C1GALT1: variants seen among roughly 807,000 people sequenced by gnomAD.
C1GALT1 encodes core 1 synthase, glycoprotein-N-acetylgalactosamine 3-beta-galactosyltransferase 1.
Under a neutral mutation model 31.0 loss-of-function variants are expected in C1GALT1, and 11 were observed. The observed-to-expected ratio is 0.36, with a 90% confidence interval of 0.22 to 0.59. The LOEUF is 0.59. C1GALT1 is among the 20% of genes least tolerant of loss of function. The pLI, the probability that C1GALT1 is intolerant of heterozygous loss-of-function variation, is 0.79. For synonymous variants in C1GALT1, 175 were observed against 143.6 expected (o/e 1.22, Z -1.56); for missense variants, 424 against 425.2 (o/e 1.00, Z 0.03).
chr7:7,182,640 C>G lies in C1GALT1; in HGVS notation c.-198C>G, dbSNP rs979089648. ...AGCGGGCGGGAGCGCGCGCTGGGCC[C>G]GCCTTGGCCGCCGCCGCTGTGCTGC... On this transcript the variant is annotated 5_prime_UTR_variant, in exon 1 of 4. Transcript: ENST00000436587. 8.0e-6 allele frequency: 2 copies of G among 249,448 alleles called. No homozygotes were observed. Among genetic ancestry groups the G allele is most frequent in the Non-Finnish European group, 1.3e-5 (2 of 157,228 alleles). The allele number at this position is 249,448 out of a possible 1,614,324, so 15.5% of individuals were successfully genotyped here.
chr7:7,204,097 G>GTT (rs74853892), intron 1 of C1GALT1, among the ~76,000 whole-genome samples: 3,662 of 129,484 alleles, frequency 0.028, 116 homozygotes, highest in African/African-American at 0.088. Flanking sequence ...CTCCTCTTCT[G>GTT]TTTTTTTTTT....
At chr7:7,208,066 G>T (rs976298274) in intron 1 of C1GALT1, among the ~76,000 whole-genome samples, 1 of 152,000 alleles carries the variant, frequency 6.6e-6, no homozygotes, top group Non-Finnish European at 1.5e-5. Flanking sequence ...ACCTGCTTGG[G>T]ACATGAATTA....
At chr7:7,173,408 C>T (rs1271307582) in intron 2 of C1GALT1, among the ~76,000 whole-genome samples, 1 of 152,056 alleles carries the variant, frequency 6.6e-6, no homozygotes, top group East Asian at 1.9e-4. Flanking sequence ...CCAGTTAAAC[C>T]TCTTTTCTTT....
chr7:7,231,420 C>A (rs936279439), intron 1 of C1GALT1, among the ~76,000 whole-genome samples: 2 of 152,110 alleles, frequency 1.3e-5, no homozygotes, highest in African/African-American at 4.8e-5. Flanking sequence ...TGAGTTATGT[C>A]TCTTCCCTCA....
chr7:7,183,605 C>T, intron 1 of C1GALT1: 1 of 984,158 alleles, frequency 1.0e-6, no homozygotes, highest in Non-Finnish European at 1.2e-6. Context: ...GTAAGTCGTA[C>T]ACTCTTAAAA....
chr7:7,183,697 C>A, intron 1 of C1GALT1: 1 of 686,570 alleles, frequency 1.5e-6, no homozygotes, highest in Non-Finnish European at 1.8e-6. Context: ...GCATTTAAAG[C>A]AAACAACAGT....
chr7:7,239,576 T>C (rs796579450), intron 3 of C1GALT1, among the ~76,000 whole-genome samples: 9 of 152,330 alleles, frequency 5.9e-5, no homozygotes, highest in African/African-American at 2.2e-4. Context: ...ATGGACATAA[T>C]GTACCTGTCT....
intron 1 of C1GALT1, among the ~76,000 whole-genome samples, chr7:7,231,526 T>G (rs1728518335): frequency 6.6e-6 from 1 of 152,218 alleles, no homozygotes; most frequent in South Asian, 2.1e-4. Context: ...TACTTCATTC[T>G]GCGTATTTTC....
At position 7,238,319 on chromosome 7, in the gene C1GALT1, C is replaced by G. The variant is rs567415913; in HGVS notation, c.285C>G (p.Thr95=). 6.2e-7 allele frequency: 1 copy of G among 1,613,716 alleles called. No homozygotes were observed. The change falls in exon 3 of 4, where the codon ACC becomes ACG. Residue 95 remains threonine, a synonymous_variant. Transcript: ENST00000436587. This position sits in a 1 kb window ranked among gnomAD's most constrained non-coding sequence, Gnocchi z 5.2. ...TTAGAATTCTTTGCTGGGTTATGAC[C>G]GGCCCTCAAAACCTAGAGAAAAAGG... The part of the protein sequence containing the change: ...QKVRILCWVM[T]GPQNLEKKAK...
At chr7:7,157,707 C>T (rs1472365537) in intron 2 of C1GALT1, among the ~76,000 whole-genome samples, 2 of 152,208 alleles carry the variant, frequency 1.3e-5, no homozygotes, top group African/African-American at 4.8e-5. Context: ...TAATCAACCT[C>T]TATCTCACAG....
chr7:7,222,076 G>A lies in C1GALT1; in HGVS notation c.-17-12227G>A, dbSNP rs117114711. Among the ~76,000 whole-genome samples, 1,497 of 152,252 alleles carry A rather than the reference G, an allele frequency of 9.8e-3. 13 individuals are homozygous for A. Among genetic ancestry groups the A allele is most frequent in the Non-Finnish European group, 0.016 (1,114 of 68,018 alleles). Reference sequence around the variant, plus strand: ...CCCTTCCTGTCCTGTTTCCCTACAAGGTTTTCCATAGAATACTTTCTAATA... The same window carrying A: ...CCCTTCCTGTCCTGTTTCCCTACAAAGTTTTCCATAGAATACTTTCTAATA... On this transcript the variant is annotated intron_variant, in intron 1 of 3. Transcript: ENST00000436587.
chr7:7,197,662 TC>T (rs1781355326), intron 1 of C1GALT1, among the ~76,000 whole-genome samples: 1 of 152,240 alleles, frequency 6.6e-6, no homozygotes, highest in African/African-American at 2.4e-5. Context: ...TATTGATTCT[TC>T]CTATCCATGA....
At chr7:7,172,317 T>G (rs1780461985) in intron 2 of C1GALT1, among the ~76,000 whole-genome samples, 1 of 152,214 alleles carries the variant, frequency 6.6e-6, no homozygotes, top group Non-Finnish European at 1.5e-5. Context: ...TGGCCTTTAA[T>G]TTTAATGAGG....
At chr7:7,242,153 C>A (rs1364846716) in intron 3 of C1GALT1, among the ~76,000 whole-genome samples, 1 of 150,546 alleles carries the variant, frequency 6.6e-6, no homozygotes, top group East Asian at 2.0e-4. Context: ...CATCGCAAAA[C>A]TATTGCATGT....
At position 7,182,786 on chromosome 7, in the gene C1GALT1, C is replaced by G. The variant is rs564359604; in HGVS notation, c.-52C>G. ...CCAAGTCGTCCCCCTCTCCGCCCCC[C>G]AGGAGGGGCGAGAGGGAGCCGCAGC... On this transcript the variant is annotated 5_prime_UTR_variant, in exon 1 of 4. Transcript: ENST00000436587. 5 of 985,426 alleles carry G rather than the reference C, an allele frequency of 5.1e-6. No homozygotes were observed. In the African/African-American group the frequency reaches 8.7e-5, roughly 17 times the overall value. 61.0% of individuals were successfully genotyped at this position (985,426 alleles called of 1,614,324 possible). A position where few individuals can be genotyped will look rare whatever the true frequency, so the allele number is the denominator to read the frequency against.
At chr7:7,205,411 A>C (rs1406142404) in intron 1 of C1GALT1, among the ~76,000 whole-genome samples, 1 of 150,708 alleles carries the variant, frequency 6.6e-6, no homozygotes, top group Non-Finnish European at 1.5e-5. Flanking sequence ...ATAATGTATT[A>C]AGAAAATTAT....
At chr7:7,234,650 A>T in intron 2 of C1GALT1, 111 bp downstream of exon 2, 2 of 754,190 alleles carry the variant, frequency 2.7e-6, no homozygotes, top group Non-Finnish European at 4.2e-6. Flanking sequence ...CAGATATTAA[A>T]AATAATTCTT....
intron 1 of C1GALT1, among the ~76,000 whole-genome samples, chr7:7,205,252 T>TC (rs957655451): frequency 2.6e-5 from 4 of 152,148 alleles, no homozygotes; most frequent in Non-Finnish European, 2.9e-5. Flanking sequence ...AGGGATGCTA[T>TC]CCCCCCCACG....
At chr7:7,205,187 C>T (rs28803004) in intron 1 of C1GALT1, among the ~76,000 whole-genome samples, 14,172 of 151,906 alleles carry the variant, frequency 0.093, 793 homozygotes, top group African/African-American at 0.15. Flanking sequence ...TCTCAGTGGT[C>T]TGTTATTAGG....
Sources: allele counts gnomAD v4.1 joint callset (sites outside exome capture counted in the v4.1 genomes callset), GRCh38; gene constraint gnomAD v4.1.1; non-coding constraint Gnocchi (gnomAD v3.1); transcripts MANE v1.5; gene names NCBI Gene and HGNC (gene_info 2026-07-23, HGNC 2026-07-21).